The following CKAP5 variants were observed in gnomAD, a reference collection of about 807,000 sequenced individuals.
CKAP5 encodes the protein cytoskeleton-associated protein 5.
Under a neutral mutation model 232.8 loss-of-function variants are expected in CKAP5, and 27 were observed. The ratio of observed to expected loss-of-function variants is 0.12; its 90% CI spans 0.09 to 0.16. The LOEUF is 0.16. Among genes scored for constraint, CKAP5 ranks in the 10% least tolerant of loss-of-function variants. CKAP5 has a pLI of 1.00. For missense variants in CKAP5, 1,838 were observed against 2,424.7 expected (o/e 0.76, Z 5.08); for synonymous variants, 785 against 841.1 (o/e 0.93, Z 1.16).
chr11:46,813,742 G>A (rs572237633), intron 4 of CKAP5, among the ~76,000 whole-genome samples: 5 of 152,168 alleles, frequency 3.3e-5, no homozygotes, highest in South Asian at 4.1e-4. Flanking sequence ...TGAGATATAC[G>A]TAACTTGTTA....
intron 23 of CKAP5, 39 bp downstream of exon 23, chr11:46,777,400 A>G: frequency 7.7e-7 from 1 of 1,301,348 alleles, no homozygotes; most frequent in East Asian, 2.3e-5. Flanking sequence ...TGGCTGGCCT[A>G]TTCCAGAATG....
At chr11:46,770,461 C>G (rs1176588302) in intron 25 of CKAP5, among the ~76,000 whole-genome samples, 1 of 152,124 alleles carries the variant, frequency 6.6e-6, no homozygotes, top group Non-Finnish European at 1.5e-5. Context: ...GACAGAGTTT[C>G]TCTCTTGTTG....
At chr11:46,794,426 TG>T (rs1343332913) in intron 13 of CKAP5, among the ~76,000 whole-genome samples, 21 of 152,188 alleles carry the variant, frequency 1.4e-4, no homozygotes, top group Non-Finnish European at 2.9e-4. Flanking sequence ...CACTCCAGCC[TG>T]GGGAACAGAG....
At chr11:46,773,252 A>ATT (rs879399924) in intron 24 of CKAP5, among the ~76,000 whole-genome samples, 2 of 139,298 alleles carry the variant, frequency 1.4e-5, no homozygotes, top group Non-Finnish European at 1.6e-5. Flanking sequence ...TGAATGTTCT[A>ATT]TTTTTTTTTT....
chr11:46,831,398 T>C (rs544819476), intron 1 of CKAP5, among the ~76,000 whole-genome samples: 57 of 152,356 alleles, frequency 3.7e-4, no homozygotes, highest in African/African-American at 1.3e-3. Context: ...TCTCTTAACA[T>C]TTTTTGTATA....
In CKAP5 at chr11:46,791,581, G is replaced by T. The variant is rs111260478; in HGVS notation, c.1651-998C>A. Among the ~76,000 whole-genome samples, 232 of 152,154 alleles carry T rather than the reference G, an allele frequency of 1.5e-3. 1 individual carries two copies. Among genetic ancestry groups the T allele is most frequent in the African/African-American group, 5.4e-3 (224 of 41,512 alleles). On this transcript the variant is annotated intron_variant, in intron 13 of 43. Transcript: ENST00000529230. ...CTCAGCTACTTGGGAGGCTGAGGTG[G>T]GAGGGCTGCTTGAGCCCAGGAAGTT...
At chr11:46,761,878 G>A in intron 32 of CKAP5, 122 bp downstream of exon 32, 2 of 689,498 alleles carry the variant, frequency 2.9e-6, no homozygotes, top group South Asian at 3.8e-5. Context: ...CACATTGATA[G>A]GTTGAGTTGA....
chr11:46,803,657 T>C (rs1370650319), intron 8 of CKAP5, among the ~76,000 whole-genome samples: 1 of 152,220 alleles, frequency 6.6e-6, no homozygotes, highest in Non-Finnish European at 1.5e-5. Context: ...AGGTCAATTC[T>C]GACTCCAAAG....
At chr11:46,751,308 T>C (rs1271772789) in intron 39 of CKAP5, 38 bp downstream of exon 39, 2 of 1,614,028 alleles carry the variant, frequency 1.2e-6, no homozygotes, top group Non-Finnish European at 1.7e-6. Flanking sequence ...TGATTTTCTC[T>C]CAAGCTCCCT....
At chr11:46,763,908 T>C (rs373712618) in intron 28 of CKAP5, among the ~76,000 whole-genome samples, 1 of 152,186 alleles carries the variant, frequency 6.6e-6, no homozygotes, top group East Asian at 1.9e-4. Flanking sequence ...TGATCATAGA[T>C]CACTGTAGCA....
At chr11:46,805,394 T>C (rs1208332270) in intron 8 of CKAP5, among the ~76,000 whole-genome samples, 1 of 152,226 alleles carries the variant, frequency 6.6e-6, no homozygotes, top group African/African-American at 2.4e-5. Context: ...GCCTTTTTAC[T>C]ACTTTCATTA....
intron 9 of CKAP5, among the ~76,000 whole-genome samples, chr11:46,800,634 G>A (rs1000420573): frequency 6.6e-6 from 1 of 152,120 alleles, no homozygotes; most frequent in African/African-American, 2.4e-5. Flanking sequence ...CAAATAGTAA[G>A]TCAACAAATG....
At chr11:46,841,359 G>GA (rs955667388) in intron 1 of CKAP5, among the ~76,000 whole-genome samples, 46 of 152,122 alleles carry the variant, frequency 3.0e-4, no homozygotes, top group African/African-American at 7.7e-4. Context: ...GGTGTGTGGG[G>GA]AAAAAAATCT....
Position 46,788,741 on chromosome 11 carries a change from T to G in CKAP5, c.1908A>C (p.Pro636=). Residue 636 remains proline, a synonymous_variant, in exon 16 of 44, where the codon CCA becomes CCC. Coordinates refer to ENST00000529230, the MANE Select transcript of CKAP5 (RefSeq NM_001008938.4). ...CTAGCATCCTCACTAATGCCTGGCATGGCATTTCAGTTCGGTCCATTAGCT... is the reference window on the plus strand; with the variant it reads ...CTAGCATCCTCACTAATGCCTGGCAGGGCATTTCAGTTCGGTCCATTAGCT... The part of the protein sequence containing the change: ...AVELMDRTEM[P]CQALVRMLAK... 1 of 1,609,048 alleles carries G rather than the reference T, an allele frequency of 6.2e-7. No individual in the cohort carries two copies. The highest frequency in any genetic ancestry group is 8.5e-7 in the Non-Finnish European group (1 of 1,178,404).
chr11:46,758,993 G>C lies in CKAP5; in HGVS notation c.4619C>G (p.Ser1540Cys). 2.5e-6 allele frequency: 4 copies of C among 1,613,458 alleles called. No individual in the cohort carries two copies. The highest frequency in any genetic ancestry group is 3.4e-6 in the Non-Finnish European group (4 of 1,179,918). The part of the protein sequence containing the change: ...HFDDMHSNTA[S>C]TINFIISQVA... ...TTGGGAGATAATGAAATTGATTGTG[G>C]ATGCTGTATTACTGTGCATGTCATC... Residue 1540 changes from serine to cysteine, a missense_variant, in exon 35 of 44, where the codon TCC (serine) becomes TGC (cysteine). This residue lies in a region of CKAP5 where 579 missense variants were observed against 843.2 expected (regional missense o/e 0.69). Coordinates refer to ENST00000529230, the MANE Select transcript of CKAP5 (RefSeq NM_001008938.4).
At chr11:46,780,539 A>C in intron 18 of CKAP5, 54 bp from the exon 19 acceptor site, 3 of 1,486,590 alleles carry the variant, frequency 2.0e-6, no homozygotes, top group South Asian at 1.2e-5. Context: ...CAAAATACTC[A>C]ATAACGTTTT....
At chr11:46,831,686 A>C (rs1939796772) in intron 1 of CKAP5, among the ~76,000 whole-genome samples, 1 of 151,728 alleles carries the variant, frequency 6.6e-6, no homozygotes, top group South Asian at 2.1e-4. Context: ...ATGCACCACC[A>C]CATCTGTCTA....
At position 46,760,250 on chromosome 11, in the gene CKAP5, T is replaced by C. The variant is rs1292236564; in HGVS notation, c.4394+362A>G. On this transcript the variant is annotated intron_variant, in intron 33 of 43. Coordinates refer to ENST00000529230, the MANE Select transcript of CKAP5 (RefSeq NM_001008938.4). ...ACTTATGGACACCCTCTACCCTGAT[T>C]ATAAACTCTAAGCTAGTCACCCTCC... 8.5e-6 allele frequency: 3 copies of C among 351,116 alleles called. No individual in the cohort carries two copies. In the Admixed American group the frequency reaches 1.2e-4, roughly 14 times the overall value. 21.8% of individuals were successfully genotyped at this position (351,116 alleles called of 1,614,324 possible). A position where few individuals can be genotyped will look rare whatever the true frequency, so the allele number is the denominator to read the frequency against.
At chr11:46,750,737 G>C (rs1196358562) in intron 40 of CKAP5, 126 bp from the exon 41 acceptor site, 1 of 694,604 alleles carries the variant, frequency 1.4e-6, no homozygotes, top group African/African-American at 1.8e-5. Context: ...ACAGATAACA[G>C]ATGCACCGAT....
Sources: allele counts gnomAD v4.1 joint callset (sites outside exome capture counted in the v4.1 genomes callset), GRCh38; gene constraint gnomAD v4.1.1; regional missense constraint gnomAD v4.1.1; transcripts MANE v1.5; gene names NCBI Gene and HGNC (gene_info 2026-07-23, HGNC 2026-07-21).